SPAG16: variants seen among roughly 807,000 people sequenced by gnomAD.
SPAG16 encodes the protein sperm-associated antigen 16 protein.
A neutral mutation model predicts 80.4 loss-of-function variants in SPAG16; 86 were observed. The observed-to-expected ratio is 1.07, with a 90% CI of 0.90 to 1.28. The LOEUF (loss-of-function observed/expected upper bound fraction) is 1.28, where lower values mean the gene tolerates loss of function less well. Ranked by LOEUF, SPAG16 falls within the 50% of genes most tolerant of loss-of-function variation. The probability of loss-of-function intolerance (pLI) is 0.00; values close to 1 mark genes in which losing one functional copy is unlikely to be tolerated. For synonymous variants in SPAG16, 294 were observed against 265.9 expected (o/e 1.11, Z -1.03); for missense variants, 870 against 765.3 (o/e 1.14, Z -1.61).
At chr2:213,485,826 G>A (rs2073948030) in intron 9 of SPAG16, among the ~76,000 whole-genome samples, 1 of 152,044 alleles carries the variant, frequency 6.6e-6, no homozygotes, top group Admixed American at 6.5e-5. Flanking sequence ...CTAGGGTCTG[G>A]GGGAAACCTG....
intron 15 of SPAG16, among the ~76,000 whole-genome samples, chr2:214,237,281 C>T (rs1689144502): frequency 6.6e-6 from 1 of 151,866 alleles, no homozygotes; most frequent in Non-Finnish European, 1.5e-5. Context: ...ACCTGGACCA[C>T]ATTTTCAGTT....
At chr2:214,305,075 G>T (rs1312140737) in intron 15 of SPAG16, among the ~76,000 whole-genome samples, 2 of 152,100 alleles carry the variant, frequency 1.3e-5, no homozygotes, top group African/African-American at 4.8e-5. Context: ...CATTCTGACT[G>T]GTGTGAGATG....
At chr2:213,889,306 AAAAATGTTCTC>A (rs772367441) in intron 11 of SPAG16, among the ~76,000 whole-genome samples, 43 of 151,970 alleles carry the variant, frequency 2.8e-4, no homozygotes, top group Non-Finnish European at 5.0e-4. Flanking sequence ...ATTTTGATGT[AAAAATGTTCTC>A]AATATATTTT....
intron 5 of SPAG16, among the ~76,000 whole-genome samples, chr2:213,336,455 G>A (rs911053432): frequency 6.6e-6 from 1 of 152,222 alleles, no homozygotes; most frequent in African/African-American, 2.4e-5. Flanking sequence ...GCCAGCCAAC[G>A]CAGCAGGTCA....
At chr2:213,785,962 A>ACAC (rs1238645968) in intron 10 of SPAG16, among the ~76,000 whole-genome samples, 1 of 151,590 alleles carries the variant, frequency 6.6e-6, no homozygotes, top group Non-Finnish European at 1.5e-5. Flanking sequence ...AGCCGAGATC[A>ACAC]CACCATTGCA....
At chr2:213,288,105 C>T (rs7561909) in intron 1 of SPAG16, among the ~76,000 whole-genome samples, 10 of 151,888 alleles carry the variant, frequency 6.6e-5, no homozygotes, top group Admixed American at 2.0e-4. Flanking sequence ...TTGGTAGAGA[C>T]GGGGGTCTCA....
At chr2:213,866,715 A>C (rs1357246352) in intron 11 of SPAG16, among the ~76,000 whole-genome samples, 3 of 152,148 alleles carry the variant, frequency 2.0e-5, no homozygotes, top group Non-Finnish European at 4.4e-5. Context: ...ACCAGGTAAA[A>C]ATGTAGACAA....
chr2:213,757,719 C>T (rs533982075), intron 10 of SPAG16, among the ~76,000 whole-genome samples: 1 of 152,280 alleles, frequency 6.6e-6, no homozygotes, highest in Non-Finnish European at 1.5e-5. Context: ...ACCCCTGTAG[C>T]AGGCAGCTGT....
intron 9 of SPAG16, among the ~76,000 whole-genome samples, chr2:213,465,730 G>A (rs369394652): frequency 3.3e-5 from 5 of 152,134 alleles, no homozygotes; most frequent in African/African-American, 4.8e-5. Flanking sequence ...CTAAGCTACC[G>A]CTGCAACTGC....
chr2:213,614,879 T>A (rs2061544280), intron 10 of SPAG16, among the ~76,000 whole-genome samples: 1 of 152,220 alleles, frequency 6.6e-6, no homozygotes, highest in African/African-American at 2.4e-5. Context: ...TCCTGGAAGT[T>A]CCATAACATT....
intron 15 of SPAG16, among the ~76,000 whole-genome samples, chr2:214,318,530 C>T (rs1436946031): frequency 1.3e-5 from 2 of 151,788 alleles, no homozygotes; most frequent in Non-Finnish European, 2.9e-5. Flanking sequence ...TGCAGGTGTG[C>T]ACCACCATGC....
chr2:214,156,368 T>A (rs1258542247), intron 15 of SPAG16, among the ~76,000 whole-genome samples: 1 of 152,182 alleles, frequency 6.6e-6, no homozygotes, highest in Non-Finnish European at 1.5e-5. Context: ...TGCTTCTGTT[T>A]TATAGTTGAG....
intron 9 of SPAG16, among the ~76,000 whole-genome samples, chr2:213,424,245 A>C (rs2069769951): frequency 6.6e-6 from 1 of 152,236 alleles, no homozygotes; most frequent in Admixed American, 6.5e-5. Flanking sequence ...AAAGACACTC[A>C]GTTCCTTCAT....
chr2:214,182,622 TG>T (rs1392236101), intron 15 of SPAG16, among the ~76,000 whole-genome samples: 2 of 151,964 alleles, frequency 1.3e-5, no homozygotes, highest in African/African-American at 4.8e-5. Flanking sequence ...CTTTCATGGC[TG>T]TTACCTGATG....
At chr2:214,223,077 T>G (rs2058618687) in intron 15 of SPAG16, among the ~76,000 whole-genome samples, 1 of 152,174 alleles carries the variant, frequency 6.6e-6, no homozygotes. Flanking sequence ...ATTGCAGAAA[T>G]CCCTGATAAT....
intron 15 of SPAG16, among the ~76,000 whole-genome samples, chr2:214,357,612 G>C (rs576279117): frequency 1.3e-5 from 2 of 151,830 alleles, no homozygotes; most frequent in Non-Finnish European, 2.9e-5. Flanking sequence ...ATCATTTTCT[G>C]ATATTGTCCT....
At chr2:214,112,997 G>C (rs1223776953) in intron 14 of SPAG16, among the ~76,000 whole-genome samples, 1 of 152,134 alleles carries the variant, frequency 6.6e-6, no homozygotes, top group East Asian at 1.9e-4. Context: ...TCTTTCTGGA[G>C]CTCTTGTAAG....
At chr2:214,283,180 G>C (rs1179597231) in intron 15 of SPAG16, among the ~76,000 whole-genome samples, 4 of 151,936 alleles carry the variant, frequency 2.6e-5, no homozygotes, top group African/African-American at 9.7e-5. Flanking sequence ...TTGTACACAG[G>C]TTTACTGCCT....
At chr2:213,342,909 T>G (rs548789409) in intron 6 of SPAG16, among the ~76,000 whole-genome samples, 1 of 151,986 alleles carries the variant, frequency 6.6e-6, no homozygotes, top group South Asian at 2.1e-4. Flanking sequence ...GCCCACAGTT[T>G]GACCAGATAT....
Sources: gnomAD v4.1 joint callset for allele counts (sites outside exome capture counted in the v4.1 genomes callset) on GRCh38, gnomAD v4.1.1 for gene constraint, MANE v1.5 for transcripts, NCBI Gene and HGNC (gene_info 2026-07-23, HGNC 2026-07-21) for gene names.